Variants in MTUS2 observed in about 807,000 individuals in gnomAD.
MTUS2 encodes microtubule associated scaffold protein 2, also known as microtubule-associated tumor suppressor candidate 2.
MTUS2 carries 40 observed loss-of-function variants against 114.1 expected under a neutral mutation model. That is an observed-to-expected ratio of 0.35 (90% confidence interval 0.27 to 0.46). MTUS2 has a LOEUF of 0.46. Among genes scored for constraint, MTUS2 ranks in the 20% least tolerant of loss-of-function variants. The pLI is 1.00. For missense variants in MTUS2, 1,679 were observed against 1,705.4 expected, an observed-to-expected ratio of 0.98 and a Z score of 0.27; for synonymous variants, 688 against 672.0, an observed-to-expected ratio of 1.02 and a Z score of -0.37.
chr13:29,429,803 T>C (rs953681094), intron 8 of MTUS2, among the ~76,000 whole-genome samples: 1 of 152,218 alleles, frequency 6.6e-6, no homozygotes, highest in African/African-American at 2.4e-5. Context: ...TTGAGGTATG[T>C]GACCAGGAGA....
At chr13:29,130,275 T>C (rs1891701037) in intron 5 of MTUS2, among the ~76,000 whole-genome samples, 2 of 152,208 alleles carry the variant, frequency 1.3e-5, no homozygotes, top group South Asian at 4.1e-4. Flanking sequence ...GTCCTTATTA[T>C]ACTGGACACC....
chr13:29,039,084 TG>T (rs1446798551), intron 4 of MTUS2, among the ~76,000 whole-genome samples: 4 of 152,170 alleles, frequency 2.6e-5, no homozygotes, highest in Non-Finnish European at 4.4e-5. Flanking sequence ...GGAGGAGCCT[TG>T]GGGAGGGGCC....
At chr13:29,450,584 G>A (rs1037786963) in intron 9 of MTUS2, among the ~76,000 whole-genome samples, 2 of 152,084 alleles carry the variant, frequency 1.3e-5, no homozygotes, top group Admixed American at 6.5e-5. Context: ...AAGAATGTAC[G>A]TTTTCTGATT....
At chr13:29,086,882 C>G (rs1383461831) in intron 4 of MTUS2, among the ~76,000 whole-genome samples, 1 of 151,430 alleles carries the variant, frequency 6.6e-6, no homozygotes, top group Non-Finnish European at 1.5e-5. Flanking sequence ...TTGTGGCTAT[C>G]ATGTTCTTGA....
At chr13:29,459,324 C>T (rs1244289214) in intron 9 of MTUS2, among the ~76,000 whole-genome samples, 1 of 152,184 alleles carries the variant, frequency 6.6e-6, no homozygotes, top group East Asian at 1.9e-4. Context: ...ATCAGGGAGT[C>T]ATCATCAGCT....
intron 2 of MTUS2, among the ~76,000 whole-genome samples, chr13:28,973,829 T>G (rs1010947808): frequency 6.6e-6 from 1 of 152,178 alleles, no homozygotes; most frequent in Admixed American, 6.5e-5. Context: ...TAGCTAATAT[T>G]TTGATACCTG....
At chr13:28,945,313 T>G (rs946199033) in intron 2 of MTUS2, among the ~76,000 whole-genome samples, 3 of 150,900 alleles carry the variant, frequency 2.0e-5, no homozygotes, top group African/African-American at 4.9e-5. Flanking sequence ...GATATAATGA[T>G]TTTTTTTTCC....
At chr13:28,959,184 C>T (rs181089288) in intron 2 of MTUS2, among the ~76,000 whole-genome samples, 34 of 152,324 alleles carry the variant, frequency 2.2e-4, no homozygotes, top group Non-Finnish European at 5.9e-5. Flanking sequence ...AGGAAAGGAG[C>T]AGTTCAGTAA....
intron 7 of MTUS2, among the ~76,000 whole-genome samples, chr13:29,345,410 C>T (rs1253967336): frequency 5.3e-5 from 8 of 151,712 alleles, no homozygotes; most frequent in African/African-American, 1.7e-4. Flanking sequence ...GCCTTGCCTT[C>T]GAGCTCTGAA....
At position 29,233,387 on chromosome 13, in the gene MTUS2, G is replaced by A. The variant is rs17073089; in HGVS notation, c.2645-48317G>A. 1.2e-3 allele frequency among the ~76,000 whole-genome samples: 188 copies of A among 152,236 alleles called. 3 individuals are homozygous for A. In the East Asian group the frequency reaches 0.027, roughly 22 times the overall value. On this transcript the variant is annotated intron_variant, in intron 5 of 15. Transcript: ENST00000612955. ...ATCACACTGACCCCACAGGCATCTT[G>A]GGACGAAGTAGGGAAGTGTACCCAC... is the stretch of plus-strand genomic sequence containing the variant.
intron 5 of MTUS2, among the ~76,000 whole-genome samples, chr13:29,204,160 A>T (rs956598923): frequency 3.9e-5 from 6 of 152,076 alleles, no homozygotes; most frequent in African/African-American, 1.4e-4. Flanking sequence ...GGGTTTTGCC[A>T]TATTGGCCAG....
intron 7 of MTUS2, among the ~76,000 whole-genome samples, chr13:29,351,781 T>G (rs868178733): frequency 2.5e-5 from 2 of 81,038 alleles, no homozygotes; most frequent in African/African-American, 1.5e-4. Flanking sequence ...TTTGTTTATT[T>G]TTTTTTTTTT....
chr13:29,031,604 T>TTA (rs1042435903), intron 3 of MTUS2, among the ~76,000 whole-genome samples: 3 of 151,982 alleles, frequency 2.0e-5, no homozygotes, highest in Non-Finnish European at 4.4e-5. Context: ...CAGTCTGTTT[T>TTA]TATTAAACCC....
At chr13:29,344,725 T>G (rs540169682) in intron 7 of MTUS2, among the ~76,000 whole-genome samples, 4 of 152,318 alleles carry the variant, frequency 2.6e-5, no homozygotes, top group African/African-American at 9.6e-5. Context: ...TGTTGTTGTT[T>G]TTTTGTCATT....
chr13:28,956,062 C>A (rs1243986830), intron 2 of MTUS2, among the ~76,000 whole-genome samples: 6 of 148,250 alleles, frequency 4.0e-5, no homozygotes, highest in African/African-American at 1.5e-4. Flanking sequence ...TTGCCCCCCC[C>A]CATCCTTTCC....
intron 5 of MTUS2, among the ~76,000 whole-genome samples, chr13:29,140,965 G>A (rs1026461268): frequency 6.6e-6 from 1 of 152,114 alleles, no homozygotes; most frequent in Admixed American, 6.6e-5. Flanking sequence ...ATTAGGAGGG[G>A]TAAAGAAATA....
intron 8 of MTUS2, among the ~76,000 whole-genome samples, chr13:29,384,859 T>G (rs1456916979): frequency 6.6e-6 from 1 of 152,262 alleles, no homozygotes; most frequent in African/African-American, 2.4e-5. Context: ...TATTTCTAGC[T>G]GAAAACAGAC....
chr13:29,283,852 A>G (rs999377828), intron 6 of MTUS2, among the ~76,000 whole-genome samples: 15 of 152,216 alleles, frequency 9.9e-5, no homozygotes, highest in African/African-American at 3.6e-4. Flanking sequence ...CGTAAGGTGA[A>G]ACTACAATAG....
chr13:29,206,808 T>G (rs184980395), intron 5 of MTUS2, among the ~76,000 whole-genome samples: 44 of 152,330 alleles, frequency 2.9e-4, no homozygotes, highest in African/African-American at 9.9e-4. Flanking sequence ...TTGGTGACTG[T>G]ATCCTTATAG....
Sources: gnomAD v4.1 joint callset for allele counts (sites outside exome capture counted in the v4.1 genomes callset) on GRCh38, gnomAD v4.1.1 for gene constraint, MANE v1.5 for transcripts, NCBI Gene and HGNC (gene_info 2026-07-23, HGNC 2026-07-21) for gene names.